Variants in KIDINS220 observed in about 807,000 individuals in gnomAD.
KIDINS220 encodes the protein kinase D interacting substrate 220.
In KIDINS220, 63 loss-of-function variants were observed where a neutral mutation model predicts 157.6. That is an observed-to-expected ratio of 0.40 (90% CI 0.33 to 0.49). The LOEUF (loss-of-function observed/expected upper bound fraction) is 0.49. Ranked by LOEUF, KIDINS220 falls within the 20% of genes least tolerant of loss-of-function variation. KIDINS220 has a pLI of 0.66. For synonymous variants in KIDINS220, 732 were observed against 783.6 expected (o/e 0.93, Z 1.10); for missense variants, 1,772 against 2,171.2 (o/e 0.82, Z 3.65).
chr2:8,765,491 A>G (rs1669357184), intron 22 of KIDINS220, among the ~76,000 whole-genome samples: 1 of 152,218 alleles, frequency 6.6e-6, no homozygotes, highest in Non-Finnish European at 1.5e-5. Flanking sequence ...TAAATCCATC[A>G]TTAAAAAATA....
rs148197031 is a variant in KIDINS220 at position 8,811,677 on chromosome 2, C to T, written c.504+718G>A. ...AAACTGAGAAGCCTGGGTTTTATCC[C>T]GAAACAGTGAAAGCCAACGAAGCTT... is the stretch of plus-strand genomic sequence containing the variant. On this transcript the variant is annotated intron_variant, in intron 6 of 29. Transcript: ENST00000256707. Among the ~76,000 whole-genome samples, 587 of 151,832 alleles carry T rather than the reference C, an allele frequency of 3.9e-3. 4 individuals carry two copies. The highest frequency in any genetic ancestry group is 3.4e-3 in the Middle Eastern group (1 of 292).
chr2:8,827,069 C>G lies in KIDINS220; in HGVS notation c.25G>C (p.Val9Leu). The G allele has an allele frequency of 6.2e-7, 1 of 1,600,970 alleles. No homozygotes were observed. The highest frequency in any genetic ancestry group is 8.5e-7 in the Non-Finnish European group (1 of 1,171,386). The change falls in exon 2 of 30, where the codon GTC becomes CTC. Residue 9 changes from valine (V) to leucine (L), a missense_variant. Physicochemically the swap from Val to Leu is conservative, Grantham distance 32. Around this residue, in one of 3 missense-constraint regions of KIDINS220, gnomAD observed 254 missense variants for 268.6 expected, o/e 0.95. Coordinates refer to ENST00000256707, the MANE Select transcript of KIDINS220 (RefSeq NM_020738.4). MSVLISQS[V>L]INYVEEENIP... is the part of the protein sequence containing the mutation. ...TTTTCTTCCTCTACATAATTTATGA[C>G]GCTCTGTGATATCAAAACTGACATT...
At chr2:8,834,338 A>C (rs1680086083) in intron 1 of KIDINS220, among the ~76,000 whole-genome samples, 1 of 149,516 alleles carries the variant, frequency 6.7e-6, no homozygotes, top group South Asian at 2.1e-4. Flanking sequence ...CCTAAGCTCA[A>C]CTCTTGCTGC....
chr2:8,789,719 C>T (rs545632830), intron 14 of KIDINS220, among the ~76,000 whole-genome samples, 161 bp downstream of exon 14: 73 of 152,266 alleles, frequency 4.8e-4, no homozygotes, highest in African/African-American at 1.7e-3. Flanking sequence ...GAGCAATGTT[C>T]CTTTAGGAAA....
intron 25 of KIDINS220, 51 bp downstream of exon 25, chr2:8,747,836 A>C: frequency 8.5e-7 from 1 of 1,169,886 alleles, no homozygotes; most frequent in South Asian, 1.5e-5. Flanking sequence ...CTCAAATGCT[A>C]TCTATGTTTA....
Position 8,770,825 on chromosome 2 carries a change from T to G in KIDINS220, c.2856A>C (p.Leu952Phe), listed in dbSNP as rs771295723. 8 of 1,584,268 alleles carry G rather than the reference T, an allele frequency of 5.0e-6. No individual in the cohort carries two copies. In the Admixed American group the frequency reaches 1.5e-4, roughly 29 times the overall value. Reference protein sequence around the residue: ...LLNIVSVTGRLLRANQISFNW... With the variant: ...LLNIVSVTGRFLRANQISFNW... ...TGAAACTAATCTGATTGGCTCTCAG[T>G]AATCGTCCTTTTAAAAAATACAAAA... Residue 952 changes from leucine (L) to phenylalanine (F), a missense_variant, in exon 22 of 30, where the codon TTA (leucine) becomes TTC (phenylalanine). Coordinates refer to ENST00000256707, the MANE Select transcript of KIDINS220 (RefSeq NM_020738.4).
intron 26 of KIDINS220, among the ~76,000 whole-genome samples, chr2:8,744,402 ATATATATATATATATAT>A (rs1666239889): frequency 3.0e-3 from 10 of 3,388 alleles, no homozygotes; most frequent in African/African-American, 8.7e-3. Flanking sequence ...TATATATATA[ATATATATATATATATAT>A]ATATATATAT....
At chr2:8,798,353 C>A in intron 9 of KIDINS220, 53 bp from the exon 10 acceptor site, 3 of 979,938 alleles carry the variant, frequency 3.1e-6, no homozygotes, top group Non-Finnish European at 4.9e-6. Context: ...ATATTTAAAA[C>A]TGCTACTTAT....
chr2:8,742,978 A>T (rs1665832715), intron 26 of KIDINS220, among the ~76,000 whole-genome samples: 1 of 152,186 alleles, frequency 6.6e-6, no homozygotes, highest in Non-Finnish European at 1.5e-5. Context: ...CAAACTACAG[A>T]GCTTCGAGAG....
In KIDINS220 at chr2:8,789,916, A is replaced by T. The variant is rs200569413; in HGVS notation, c.1585T>A (p.Ser529Thr). The change falls in exon 14 of 30, where the codon TCA becomes ACA. Residue 529 changes from serine (S) to threonine (T), a missense_variant. Ser to Thr is a moderately conservative substitution (Grantham distance 58). Around this residue, in one of 3 missense-constraint regions of KIDINS220, gnomAD observed 725 missense variants for 1,017.1 expected, o/e 0.71. Coordinates refer to ENST00000256707, the MANE Select transcript of KIDINS220 (RefSeq NM_020738.4). ...TVHPNLGIAV[S>T]LSFLALLYIF... is the part of the protein sequence containing the mutation. ...TATAAGAGAGCCAAGAAGCTCAGTG[A>T]CACTGCTATTCCAAGATTTGGGTGG... The T allele has an allele frequency of 3.1e-6, 5 of 1,612,908 alleles. No homozygotes were observed. The highest frequency in any genetic ancestry group is 1.7e-4 in the Middle Eastern group (1 of 6,058).
intron 26 of KIDINS220, 156 bp from the exon 27 acceptor site, chr2:8,737,155 A>G (rs1003039364): frequency 2.2e-5 from 16 of 716,270 alleles, no homozygotes; most frequent in African/African-American, 1.1e-4. Flanking sequence ...ATTAGGGAAC[A>G]GATTTAGTTA....
Position 8,778,986 on chromosome 2 carries a change from C to T in KIDINS220, c.2524G>A (p.Val842Met). 6.2e-7 allele frequency: 1 copy of T among 1,614,114 alleles called. No individual in the cohort carries two copies. Among genetic ancestry groups the T allele is most frequent in the Non-Finnish European group, 8.5e-7 (1 of 1,179,976 alleles). ...DYMRNIVHLP[V>M]FLNSRGLSNA... ...CTTAGTCCACGACTATTAAGGAACA[C>T]AGGCAAGTGGACTATGTTGCGCATG... The change falls in exon 19 of 30, where the codon GTG (valine) becomes ATG (methionine). Residue 842 changes from valine (V) to methionine (M), a missense_variant. Physicochemically the swap from Val to Met is conservative, Grantham distance 21 (BLOSUM62 1). This residue lies in a region of KIDINS220 where 725 missense variants were observed against 1,017.1 expected (regional missense o/e 0.71). Transcript: ENST00000256707.
At chr2:8,796,159 G>T (rs915360403) in intron 11 of KIDINS220, among the ~76,000 whole-genome samples, 2 of 152,032 alleles carry the variant, frequency 1.3e-5, no homozygotes, top group South Asian at 4.1e-4. Flanking sequence ...TTCATCAGAG[G>T]AGAAAATTTA....
chr2:8,745,878 T>C (rs527582013), intron 26 of KIDINS220, among the ~76,000 whole-genome samples: 1 of 152,318 alleles, frequency 6.6e-6, no homozygotes, highest in East Asian at 1.9e-4. Flanking sequence ...TTTCACCATG[T>C]TAATTCTAAC....
chr2:8,730,725 G>T lies in KIDINS220; in HGVS notation c.5311C>A (p.Leu1771Ile). The T allele has an allele frequency of 6.2e-7, 1 of 1,611,970 alleles. No individual in the cohort carries two copies. The highest frequency in any genetic ancestry group is 8.5e-7 in the Non-Finnish European group (1 of 1,179,288). Reference sequence around the variant, plus strand: ...TTCTCCTTTGCTTGTTTTTCTCAAAGAATGCTTTCTCTTTCTTCTCCAAAG... The same window carrying T: ...TTCTCCTTTGCTTGTTTTTCTCAAATAATGCTTTCTCTTTCTTCTCCAAAG... ...TGFGEERESI[L>I] Residue 1771 changes from leucine to isoleucine, a missense_variant, in exon 30 of 30, where the codon CTT becomes ATT. This residue lies in a region of KIDINS220 where 793 missense variants were observed against 885.5 expected (regional missense o/e 0.90). Transcript: ENST00000256707.
At chr2:8,748,041 A>C (rs760831305) in intron 24 of KIDINS220, 41 bp from the exon 25 acceptor site, 2 of 1,157,750 alleles carry the variant, frequency 1.7e-6, no homozygotes, top group African/African-American at 3.2e-5. Flanking sequence ...AAACAATTAC[A>C]GAAATGAAAG....
Position 8,750,114 on chromosome 2 carries a change from T to C in KIDINS220, c.3412A>G (p.Arg1138Gly). Residue 1138 changes from arginine (R) to glycine (G), a missense_variant and splice_region_variant, in exon 24 of 30, where the codon AGG (arginine) becomes GGG (glycine). Transcript: ENST00000256707. The stretch of plus-strand genomic sequence containing the variant: ...AAAGCTGCCTCCAACTTCCTTACCC[T>C]GTTGTAGAAGGGATGCTGAGGGCCC... ...MTGPQHPFYN[R>G]PFFAPYLYTP... 1 of 1,613,136 alleles carries C rather than the reference T, an allele frequency of 6.2e-7. No homozygotes were observed.
At chr2:8,747,454 T>C in intron 25 of KIDINS220, 1 of 529,298 alleles carries the variant, frequency 1.9e-6, no homozygotes, top group Admixed American at 3.2e-5. Context: ...AGAATTTCCC[T>C]TATCTTGTTT....
At chr2:8,726,966 T>A (rs1224499281), downstream of KIDINS220, 1 of 1,265,416 alleles carries the variant, frequency 7.9e-7, no homozygotes, top group South Asian at 1.2e-5. Context: ...GGGTTTAAAA[T>A]TATGTAAGAT....
Sources: allele counts gnomAD v4.1 joint callset (sites outside exome capture counted in the v4.1 genomes callset), GRCh38; gene constraint gnomAD v4.1.1; regional missense constraint gnomAD v4.1.1; transcripts MANE v1.5; gene names NCBI Gene and HGNC (gene_info 2026-07-23, HGNC 2026-07-21).